Variants in WDR89 observed in about 807,000 individuals in gnomAD.
The protein encoded by WDR89 is WD repeat-containing protein 89.
Under a neutral mutation model 29.1 loss-of-function variants are expected in WDR89, and 17 were observed. The observed-to-expected ratio is 0.58, with a 90% confidence interval of 0.40 to 0.88. WDR89 has a LOEUF of 0.88. WDR89 is among the 40% of genes least tolerant of loss of function. The pLI is 0.00. For missense variants in WDR89, 396 were observed against 456.3 expected (o/e 0.87, Z 1.20); for synonymous variants, 138 against 157.8 (o/e 0.87, Z 0.94).
intron 2 of WDR89, among the ~76,000 whole-genome samples, chr14:63,602,722 AGATCGCGCC>A (rs1395834215): frequency 6.6e-6 from 1 of 151,278 alleles, no homozygotes; most frequent in African/African-American, 2.4e-5. Context: ...CGGTGAGCCG[AGATCGCGCC>A]GTTGCACTCC....
intron 1 of WDR89, among the ~76,000 whole-genome samples, chr14:63,629,826 T>G (rs10083535): frequency 0.081 from 12,355 of 152,238 alleles, 941 homozygotes; most frequent in African/African-American, 0.2. Context: ...ACATTCAGTG[T>G]GTTACAGGGA....
chr14:63,610,893 G>A (rs1010541813), intron 2 of WDR89, among the ~76,000 whole-genome samples: 1 of 151,432 alleles, frequency 6.6e-6, no homozygotes, highest in Non-Finnish European at 1.5e-5. Context: ...GTACAGATGG[G>A]GTTTCACCAT....
intron 2 of WDR89, among the ~76,000 whole-genome samples, chr14:63,601,026 G>A (rs1280856350): frequency 6.6e-6 from 1 of 152,062 alleles, no homozygotes; most frequent in African/African-American, 2.4e-5. Flanking sequence ...AATGTTGCTG[G>A]TTTTGAAGAC....
chr14:63,631,458 C>T (rs1343682324), intron 1 of WDR89, among the ~76,000 whole-genome samples: 1 of 152,056 alleles, frequency 6.6e-6, no homozygotes, highest in Non-Finnish European at 1.5e-5. Context: ...CTCAATCTCC[C>T]AGGCTCAAGC....
chr14:63,628,645 C>A (rs1021812193), intron 1 of WDR89, among the ~76,000 whole-genome samples: 19 of 152,030 alleles, frequency 1.2e-4, no homozygotes, highest in African/African-American at 4.6e-4. Flanking sequence ...TTGATGTCAA[C>A]CTTAAGAAAA....
At chr14:63,632,539 AC>A (rs1162060004) in intron 1 of WDR89, among the ~76,000 whole-genome samples, 1 of 152,128 alleles carries the variant, frequency 6.6e-6, no homozygotes, top group Non-Finnish European at 1.5e-5. Flanking sequence ...AGGCTAAGGC[AC>A]GAGAATCAAT....
intron 2 of WDR89, among the ~76,000 whole-genome samples, chr14:63,607,275 G>A (rs1895363214): frequency 1.3e-5 from 2 of 152,170 alleles, no homozygotes; most frequent in Middle Eastern, 3.4e-3. Context: ...CCATTCTCCT[G>A]CCTCAGCCTC....
intron 2 of WDR89, among the ~76,000 whole-genome samples, chr14:63,619,195 C>T (rs536716148): frequency 6.6e-6 from 1 of 152,288 alleles, no homozygotes; most frequent in African/African-American, 2.4e-5. Flanking sequence ...GGAGAAAACT[C>T]TCCAGCATCC....
At position 63,599,756 on chromosome 14, in the gene WDR89, G is replaced by A; in HGVS notation, c.187C>T (p.Leu63=). Residue 63 remains leucine (L), a synonymous_variant, in exon 3 of 3, where the codon CTA becomes TTA. Transcript: ENST00000620954. ...RIYDKERLNV[L]REFSGYPGLL... The stretch of plus-strand genomic sequence containing the variant: ...CCAGGATATCCACTAAATTCTCGTA[G>A]TACATTTAACCTTTCTTTATCATAT... The A allele has an allele frequency of 1.2e-6, 2 of 1,614,140 alleles. No individual in the cohort carries two copies. Among genetic ancestry groups the A allele is most frequent in the Non-Finnish European group, 1.7e-6 (2 of 1,180,020 alleles).
intron 1 of WDR89, among the ~76,000 whole-genome samples, 174 bp downstream of exon 1, chr14:63,641,630 G>C (rs8018194): frequency 0.12 from 18,065 of 152,294 alleles, 2,512 homozygotes; most frequent in African/African-American, 0.34. Flanking sequence ...TGGCTCCGAC[G>C]GCGGAGCGAG....
At chr14:63,633,132 G>A (rs1203742330) in intron 1 of WDR89, among the ~76,000 whole-genome samples, 4 of 152,198 alleles carry the variant, frequency 2.6e-5, no homozygotes, top group Middle Eastern at 6.8e-3. Context: ...CTAGGTGGGA[G>A]TATAGAGAAT....
chr14:63,632,238 G>C (rs759305195), intron 1 of WDR89, among the ~76,000 whole-genome samples: 1 of 152,162 alleles, frequency 6.6e-6, no homozygotes, highest in Non-Finnish European at 1.5e-5. Context: ...GGGACTTCTG[G>C]GGATGGCCAA....
chr14:63,615,124 G>C (rs1438353196), intron 2 of WDR89, among the ~76,000 whole-genome samples: 3 of 152,142 alleles, frequency 2.0e-5, no homozygotes, highest in Non-Finnish European at 2.9e-5. Context: ...AACATTCAAA[G>C]CATCTTTTTA....
intron 2 of WDR89, among the ~76,000 whole-genome samples, chr14:63,613,503 AT>A (rs879462925): frequency 0.11 from 15,471 of 138,870 alleles, 974 homozygotes; most frequent in African/African-American, 0.25. Flanking sequence ...ATACTGCTGA[AT>A]TTTTTTTTTT....
At chr14:63,602,795 T>C (rs990888716) in intron 2 of WDR89, among the ~76,000 whole-genome samples, 2 of 150,396 alleles carry the variant, frequency 1.3e-5, no homozygotes, top group African/African-American at 4.9e-5. Context: ...AAAGATGTAA[T>C]ATAAAAATTA....
chr14:63,635,416 C>T (rs1187933078), intron 1 of WDR89, among the ~76,000 whole-genome samples: 3 of 152,118 alleles, frequency 2.0e-5, no homozygotes, highest in African/African-American at 7.2e-5. Context: ...AAGCATTTGA[C>T]AAAATCCAGC....
intron 2 of WDR89, among the ~76,000 whole-genome samples, chr14:63,623,909 A>C (rs566968251): frequency 9.7e-4 from 148 of 152,110 alleles, no homozygotes; most frequent in Middle Eastern, 3.4e-3. Context: ...GGATAGAAAA[A>C]AGATATACCA....
chr14:63,609,560 G>A (rs777726567), intron 2 of WDR89, among the ~76,000 whole-genome samples: 3 of 152,110 alleles, frequency 2.0e-5, no homozygotes, highest in South Asian at 2.1e-4. Flanking sequence ...AAGCCGAGGC[G>A]GGCGGATCAC....
chr14:63,609,628 A>C lies in WDR89; in HGVS notation c.-31-9655T>G, dbSNP rs138434787. ...AACATGGTGAAATCCTCTCTCTACC[A>C]AAAATACAAAAATTAGCCAAGGGTG... On this transcript the variant is annotated intron_variant, in intron 2 of 2. Transcript: ENST00000620954. 2.0e-5 allele frequency among the ~76,000 whole-genome samples: 3 copies of C among 152,196 alleles called. No individual in the cohort carries two copies. The East Asian group carries it at 5.8e-4, about 29-fold the overall frequency.
Sources: gnomAD v4.1 joint callset for allele counts (sites outside exome capture counted in the v4.1 genomes callset) on GRCh38, gnomAD v4.1.1 for gene constraint, MANE v1.5 for transcripts, NCBI Gene and HGNC (gene_info 2026-07-23, HGNC 2026-07-21) for gene names.